The following NLGN1 variants were observed in gnomAD, a reference collection of about 807,000 sequenced individuals.
The protein encoded by NLGN1 is neuroligin-1.
NLGN1 carries 12 observed loss-of-function variants against 65.5 expected under a neutral mutation model. The observed-to-expected ratio is 0.18, with a 90% CI of 0.12 to 0.30. The LOEUF (loss-of-function observed/expected upper bound fraction) is 0.30, where lower values mean the gene tolerates loss of function less well. NLGN1 is among the 10% of genes least tolerant of loss of function. The pLI is 1.00. For missense variants in NLGN1, 750 were observed against 1,007.1 expected (o/e 0.74, Z 3.46); for synonymous variants, 350 against 359.5 (o/e 0.97, Z 0.30).
intron 2 of NLGN1, among the ~76,000 whole-genome samples, chr3:173,566,022 T>C (rs1338295654): frequency 3.3e-5 from 5 of 152,178 alleles, no homozygotes; most frequent in Non-Finnish European, 7.4e-5. Context: ...GTAAAATTAT[T>C]TGTAGAGAAA....
chr3:173,423,813 G>A (rs181768034), intron 1 of NLGN1, among the ~76,000 whole-genome samples: 5 of 152,294 alleles, frequency 3.3e-5, no homozygotes, highest in Non-Finnish European at 7.4e-5. Context: ...GGTCTAGAGG[G>A]TGGTGGCCCT....
At position 173,776,394 on chromosome 3, in the gene NLGN1, G is replaced by T. The variant is rs141491412; in HGVS notation, c.494-31286G>T. On this transcript the variant is annotated intron_variant, in intron 3 of 6. Transcript: ENST00000457714. ...TGGCTTGTTTAAAATTATTGTTGCA[G>T]CTTTGTTCCTCTCTCATTTTAATTA... 4.9e-3 allele frequency among the ~76,000 whole-genome samples: 749 copies of T among 152,112 alleles called. 5 individuals carry two copies. The highest frequency in any genetic ancestry group is 0.017 in the African/African-American group (717 of 41,558).
At chr3:173,777,159 C>G (rs147207698) in intron 3 of NLGN1, among the ~76,000 whole-genome samples, 9 of 151,898 alleles carry the variant, frequency 5.9e-5, no homozygotes, top group Admixed American at 5.9e-4. Flanking sequence ...ACCTAATAGG[C>G]GTTTGAAAAG....
At chr3:173,945,368 A>T (rs1303340436) in intron 4 of NLGN1, among the ~76,000 whole-genome samples, 1 of 152,018 alleles carries the variant, frequency 6.6e-6, no homozygotes, top group Non-Finnish European at 1.5e-5. Context: ...GCATAATGCT[A>T]GTGCCTCTGG....
At chr3:173,600,165 G>T (rs1015771208) in intron 2 of NLGN1, among the ~76,000 whole-genome samples, 1 of 142,252 alleles carries the variant, frequency 7.0e-6, no homozygotes, top group Non-Finnish European at 1.5e-5. Flanking sequence ...ATCTATGTAT[G>T]TGGGTATATC....
chr3:173,451,592 G>A lies in NLGN1; in HGVS notation c.-321+16514G>A, dbSNP rs9834325. ...ACCACTACTCTCTTCAAAGCTGTCA[G>A]ACAGGGACATTTAAGTCTGCAGAGG... On this transcript the variant is annotated intron_variant, in intron 2 of 6. Coordinates refer to ENST00000457714, the Ensembl canonical transcript of NLGN1. Among the ~76,000 whole-genome samples, 587 of 152,294 alleles carry A rather than the reference G, an allele frequency of 3.9e-3. 4 individuals are homozygous for A. The highest frequency in any genetic ancestry group is 0.013 in the African/African-American group (550 of 41,558).
chr3:173,688,208 A>C (rs1764953210), intron 3 of NLGN1, among the ~76,000 whole-genome samples: 1 of 152,228 alleles, frequency 6.6e-6, no homozygotes, highest in African/African-American at 2.4e-5. Context: ...GTGTATGTGA[A>C]CATGCTTTGT....
At chr3:173,576,282 A>G (rs1013095680) in intron 2 of NLGN1, among the ~76,000 whole-genome samples, 2 of 152,156 alleles carry the variant, frequency 1.3e-5, no homozygotes, top group Non-Finnish European at 2.9e-5. Flanking sequence ...GATTATTTCC[A>G]TAATATTTTT....
At chr3:173,939,939 C>T (rs185785769) in intron 4 of NLGN1, among the ~76,000 whole-genome samples, 12 of 152,096 alleles carry the variant, frequency 7.9e-5, no homozygotes, top group Admixed American at 1.3e-4. Flanking sequence ...AATGATCACT[C>T]GGTCTTAAAC....
intron 4 of NLGN1, among the ~76,000 whole-genome samples, chr3:174,232,639 G>A (rs538537446): frequency 2.0e-5 from 3 of 152,244 alleles, no homozygotes; most frequent in African/African-American, 4.8e-5. Context: ...TAATGTGGCC[G>A]GAAACAGGTA....
intron 4 of NLGN1, among the ~76,000 whole-genome samples, chr3:173,850,565 G>C (rs1726719385): frequency 6.6e-6 from 1 of 152,122 alleles, no homozygotes; most frequent in African/African-American, 2.4e-5. Flanking sequence ...TAAAGAATGA[G>C]AGACATTCAT....
intron 4 of NLGN1, among the ~76,000 whole-genome samples, chr3:173,829,560 GTGTGTGTGTGTT>G (rs113096693): frequency 0.018 from 2,562 of 145,982 alleles, 60 homozygotes; most frequent in African/African-American, 0.063. Context: ...GTGCGTGTGT[GTGTGTGTGTGTT>G]TGTGTGTGTG....
At chr3:173,835,742 T>G (rs1298038967) in intron 4 of NLGN1, among the ~76,000 whole-genome samples, 1 of 152,014 alleles carries the variant, frequency 6.6e-6, no homozygotes, top group Non-Finnish European at 1.5e-5. Flanking sequence ...AATATAAATG[T>G]TTCCTTAATC....
At chr3:174,129,552 G>T (rs908663173) in intron 4 of NLGN1, among the ~76,000 whole-genome samples, 2 of 152,120 alleles carry the variant, frequency 1.3e-5, no homozygotes, top group African/African-American at 4.8e-5. Context: ...TACGACATTT[G>T]GGTTAAGATG....
chr3:173,886,318 C>T (rs1183364676), intron 4 of NLGN1, among the ~76,000 whole-genome samples: 4 of 151,952 alleles, frequency 2.6e-5, no homozygotes, highest in Non-Finnish European at 4.4e-5. Context: ...ATTTTTTTCT[C>T]ATTTTTCTAG....
chr3:173,858,492 G>C (rs1422821567), intron 4 of NLGN1, among the ~76,000 whole-genome samples: 1 of 151,950 alleles, frequency 6.6e-6, no homozygotes, highest in Non-Finnish European at 1.5e-5. Context: ...GCTAAGATTT[G>C]AATTATATTA....
downstream of NLGN1, among the ~76,000 whole-genome samples, chr3:174,289,996 C>CT (rs1460878668): frequency 8.2e-6 from 1 of 121,768 alleles, no homozygotes; most frequent in Non-Finnish European, 1.8e-5. Flanking sequence ...CATATATATT[C>CT]TTTTTTTAAA....
intron 3 of NLGN1, among the ~76,000 whole-genome samples, chr3:173,702,402 A>G (rs2149890261): frequency 9.2e-6 from 1 of 108,820 alleles, no homozygotes; most frequent in Middle Eastern, 4.2e-3. Context: ...TCAATGAGAC[A>G]TGGCCCTTGC....
At chr3:173,485,730 C>T (rs1728067887) in intron 2 of NLGN1, among the ~76,000 whole-genome samples, 1 of 152,086 alleles carries the variant, frequency 6.6e-6, no homozygotes, top group African/African-American at 2.4e-5. Context: ...TGCATATTTC[C>T]TAATAAAATG....
Sources: allele counts gnomAD v4.1 joint callset (sites outside exome capture counted in the v4.1 genomes callset), GRCh38; gene constraint gnomAD v4.1.1; transcripts MANE v1.5; gene names NCBI Gene and HGNC (gene_info 2026-07-23, HGNC 2026-07-21).